ITPRID2: variants seen among roughly 807,000 people sequenced by gnomAD.
ITPRID2 encodes ITPR interacting domain containing 2.
ITPRID2 carries 60 observed loss-of-function variants against 124.3 expected under a neutral mutation model. The observed-to-expected ratio is 0.48, with a 90% CI of 0.39 to 0.60. The LOEUF (loss-of-function observed/expected upper bound fraction) is 0.60, where lower values mean the gene tolerates loss of function less well. ITPRID2 is among the 20% of genes least tolerant of loss of function. The pLI, the probability that ITPRID2 is intolerant of heterozygous loss-of-function variation, is 0.00. For synonymous variants in ITPRID2, 521 were observed against 542.9 expected, an observed-to-expected ratio of 0.96 and a Z score of 0.56; for missense variants, 1,553 against 1,512.2, an observed-to-expected ratio of 1.03 and a Z score of -0.45.
intron 17 of ITPRID2, among the ~76,000 whole-genome samples, chr2:181,928,821 T>A (rs953178688): frequency 6.6e-6 from 1 of 151,864 alleles, no homozygotes; most frequent in Non-Finnish European, 1.5e-5. Flanking sequence ...AGAGACGGGG[T>A]TTCACCGTTT....
In ITPRID2 at chr2:181,912,556, C is replaced by G. The variant is rs144045232; in HGVS notation, c.1487-1289C>G. Among the ~76,000 whole-genome samples, 1,359 of 152,062 alleles carry G rather than the reference C, an allele frequency of 8.9e-3. 9 individuals are homozygous for G. The highest frequency in any genetic ancestry group is 0.014 in the Non-Finnish European group (944 of 67,982). On this transcript the variant is annotated intron_variant, in intron 9 of 17. Transcript: ENST00000431877. ...GTCTATAGTGGGGTATTTTTCAAAC[C>G]AAGTTGACTTTAATAGATTTTAAAT...
Position 181,918,742 on chromosome 2 carries a change from T to C in ITPRID2, c.2866-13T>C, listed in dbSNP as rs565661664. The C allele has an allele frequency of 5.6e-6, 9 of 1,613,832 alleles. No homozygotes were observed. Among genetic ancestry groups the C allele is most frequent in the East Asian group, 2.2e-5 (1 of 44,868 alleles). ...AGAATTTAGAAGTGTAATTTTGTTA[T>C]ATTGCATTCTAGAATACTTTTCAGG... On this transcript the variant is annotated splice_polypyrimidine_tract_variant and intron_variant, in intron 12 of 17. Coordinates refer to ENST00000431877, the MANE Select transcript of ITPRID2 (RefSeq NM_001130445.3).
chr2:181,920,664 TA>T lies in ITPRID2; in HGVS notation c.3210+4del. On this transcript the variant is annotated splice_donor_region_variant and intron_variant, in intron 15 of 17. Coordinates refer to ENST00000431877, the MANE Select transcript of ITPRID2 (RefSeq NM_001130445.3). ...TCTCCATTGAATGTAATGGAACCAG[TA>T]AGCTTCTTTCCTCTTAAATCACTGG... 1 of 1,610,602 alleles carries T rather than the reference TA, an allele frequency of 6.2e-7. No homozygotes were observed. The highest frequency in any genetic ancestry group is 8.5e-7 in the Non-Finnish European group (1 of 1,177,088).
Position 181,916,306 on chromosome 2 carries a change from A to G in ITPRID2, c.2666A>G (p.Tyr889Cys), listed in dbSNP as rs138289387. 9.7e-5 allele frequency: 157 copies of G among 1,613,968 alleles called. No homozygotes were observed. The highest frequency in any genetic ancestry group is 1.3e-4 in the Non-Finnish European group (153 of 1,180,018). The change falls in exon 11 of 18, where the codon TAC becomes TGC. Residue 889 changes from tyrosine to cysteine, a missense_variant. Coordinates refer to ENST00000431877, the MANE Select transcript of ITPRID2 (RefSeq NM_001130445.3). ...SAFASPFGCPYSHRHATYPYR... is the reference protein window; with the variant it reads ...SAFASPFGCPCSHRHATYPYR... Reference sequence around the variant, plus strand: ...TTCGCTTCCCCTTTCGGGTGTCCTTACTCACATAGACATGCCACCTACCCT... The same window carrying G: ...TTCGCTTCCCCTTTCGGGTGTCCTTGCTCACATAGACATGCCACCTACCCT...
rs1691877289 is a variant in ITPRID2 at position 181,892,863 on chromosome 2, C to G, written c.257+203C>G. 2 of 626,556 alleles carry G rather than the reference C, an allele frequency of 3.2e-6. No homozygotes were observed. The highest frequency in any genetic ancestry group is 5.6e-6 in the Non-Finnish European group (2 of 355,098). 38.8% of individuals were successfully genotyped at this position (626,556 alleles called of 1,614,324 possible). ...GCTGATTATTTGGTGACCGTGTTGA[C>G]TTTACAGTTAGGACTTGAGCTACTC... On this transcript the variant is annotated intron_variant, in intron 2 of 17. Transcript: ENST00000431877. This position sits in a 1 kb window ranked among gnomAD's most constrained non-coding sequence, Gnocchi z 5.2.
chr2:181,913,982 A>T (rs1304218431), intron 10 of ITPRID2, 49 bp downstream of exon 10: 4 of 1,314,686 alleles, frequency 3.0e-6, no homozygotes, highest in Middle Eastern at 3.9e-4. Context: ...CCTCATTTTA[A>T]GGTGGTTTTT....
chr2:181,918,484 T>C, intron 11 of ITPRID2, 114 bp from the exon 12 acceptor site: 1 of 1,494,738 alleles, frequency 6.7e-7, no homozygotes. Flanking sequence ...TTTTGGATCC[T>C]TTTGTCTTAA....
In ITPRID2 at chr2:181,910,322, T is replaced by A. The variant is rs1443466906; in HGVS notation, c.1486+351T>A. 6.6e-6 allele frequency among the ~76,000 whole-genome samples: 1 copy of A among 152,204 alleles called. No individual in the cohort carries two copies. The highest frequency in any genetic ancestry group is 1.5e-5 in the Non-Finnish European group (1 of 68,032). ...GACTGAAAAATATACTGGTATTATC[T>A]ATCTTTGGTGTTTCACTATATAAAT... On this transcript the variant is annotated intron_variant, in intron 9 of 17. Coordinates refer to ENST00000431877, the MANE Select transcript of ITPRID2 (RefSeq NM_001130445.3). This position sits in a 1 kb window ranked among gnomAD's most constrained non-coding sequence, Gnocchi z 4.1.
intron 16 of ITPRID2, among the ~76,000 whole-genome samples, chr2:181,925,158 C>G (rs1694751540): frequency 6.6e-6 from 1 of 151,892 alleles, no homozygotes; most frequent in Non-Finnish European, 1.5e-5. Context: ...ACACAGCTTG[C>G]TCATGTGTTC....
At chr2:181,906,835 CG>C (rs1208035371) in intron 8 of ITPRID2, among the ~76,000 whole-genome samples, 4 of 152,066 alleles carry the variant, frequency 2.6e-5, no homozygotes, top group African/African-American at 9.7e-5. Context: ...CTTGAATTCA[CG>C]TTACTTGTGA....
chr2:181,923,042 G>A (rs998105269), intron 16 of ITPRID2, among the ~76,000 whole-genome samples: 7 of 152,222 alleles, frequency 4.6e-5, no homozygotes, highest in Non-Finnish European at 7.4e-5. Flanking sequence ...CAAAATATAC[G>A]AAGAAAAGAG....
rs759349776 is a variant in ITPRID2 at position 181,915,838 on chromosome 2, C to T, written c.2198C>T (p.Pro733Leu). The stretch of plus-strand genomic sequence containing the variant: ...TACTTATTTGCAAAAGCTGGCTATC[C>T]TCTAAGAAGGTCTCAGTCTTTACCA... ...QRYLFAKAGYPLRRSQSLPTT... is the reference protein window; with the variant it reads ...QRYLFAKAGYLLRRSQSLPTT... Residue 733 changes from proline (P) to leucine (L), a missense_variant, in exon 11 of 18, where the codon CCT (proline) becomes CTT (leucine). Physicochemically the swap from Pro to Leu is moderately conservative, Grantham distance 98. Coordinates refer to ENST00000431877, the MANE Select transcript of ITPRID2 (RefSeq NM_001130445.3). 2 of 1,614,100 alleles carry T rather than the reference C, an allele frequency of 1.2e-6. No homozygotes were observed. The highest frequency in any genetic ancestry group is 2.7e-5 in the African/African-American group (2 of 74,936).
chr2:181,902,604 T>A lies in ITPRID2; in HGVS notation c.1413+138T>A. 1.5e-6 allele frequency: 1 copy of A among 657,694 alleles called. No individual in the cohort carries two copies. Among genetic ancestry groups the A allele is most frequent in the Non-Finnish European group, 2.4e-6 (1 of 411,400 alleles). 40.7% of individuals were successfully genotyped at this position (657,694 alleles called of 1,614,324 possible). A position where few individuals can be genotyped will look rare whatever the true frequency, so the allele number is the denominator to read the frequency against. On this transcript the variant is annotated intron_variant, in intron 8 of 17. Coordinates refer to ENST00000431877, the MANE Select transcript of ITPRID2 (RefSeq NM_001130445.3). The surrounding 1 kb of genome is among the most constrained non-coding windows in gnomAD (Gnocchi z 4.4). ...TAATTTTGACTTTCCAGGTTTATGT[T>A]TCACAAACCAAGAATTGGTCTCAGG... is the stretch of plus-strand genomic sequence containing the variant.
At chr2:181,912,659 T>G (rs1439696856) in intron 9 of ITPRID2, among the ~76,000 whole-genome samples, 1 of 152,214 alleles carries the variant, frequency 6.6e-6, no homozygotes, top group Non-Finnish European at 1.5e-5. Context: ...AAACACACTT[T>G]ATTTAGCCTT....
In ITPRID2 at chr2:181,905,377, C is replaced by T. The variant is rs1693031279; in HGVS notation, c.1413+2911C>T. On this transcript the variant is annotated intron_variant, in intron 8 of 17. Coordinates refer to ENST00000431877, the MANE Select transcript of ITPRID2 (RefSeq NM_001130445.3). The surrounding 1 kb of genome is among the most constrained non-coding windows in gnomAD (Gnocchi z 4.1). The stretch of plus-strand genomic sequence containing the variant: ...AACTATTTATAAAAAGTTATTAAAT[C>T]CTGTTCTTGAATTTCTAATTATTCC... Among the ~76,000 whole-genome samples the T allele has an allele frequency of 6.6e-6, 1 of 152,118 alleles. No homozygotes were observed. Among genetic ancestry groups the T allele is most frequent in the African/African-American group, 2.4e-5 (1 of 41,418 alleles).
At position 181,930,450 on chromosome 2, in the gene ITPRID2, T is replaced by C. The variant is rs188109009; in HGVS notation, c.*903T>C. 1.6e-3 allele frequency: 251 copies of C among 152,516 alleles called. No individual in the cohort carries two copies. Among genetic ancestry groups the C allele is most frequent in the Middle Eastern group, 0.01 (3 of 292 alleles). The allele number at this position is 152,516 out of a possible 1,614,324, so 9.4% of individuals were successfully genotyped here. A position where few individuals can be genotyped will look rare whatever the true frequency, so the allele number is the denominator to read the frequency against. On this transcript the variant is annotated 3_prime_UTR_variant, in exon 18 of 18. Transcript: ENST00000431877. ...GTTCAGTTTTAACCAGTGAAAACTT[T>C]GTTTTTATGAAAAAAAAGGAAAATG...
At chr2:181,913,659 C>T (rs889267287) in intron 9 of ITPRID2, among the ~76,000 whole-genome samples, 186 bp from the exon 10 acceptor site, 1 of 152,078 alleles carries the variant, frequency 6.6e-6, no homozygotes, top group Non-Finnish European at 1.5e-5. Flanking sequence ...GAGTTACCTC[C>T]TGTACTTTGA....
At position 181,919,535 on chromosome 2, in the gene ITPRID2, C is replaced by G; in HGVS notation, c.3144+89C>G. The G allele has an allele frequency of 7.2e-7, 1 of 1,392,098 alleles. No individual in the cohort carries two copies. Among genetic ancestry groups the G allele is most frequent in the Non-Finnish European group, 9.5e-7 (1 of 1,054,292 alleles). The allele number at this position is 1,392,098 out of a possible 1,614,324, so 86.2% of individuals were successfully genotyped here. A position where few individuals can be genotyped will look rare whatever the true frequency, so the allele number is the denominator to read the frequency against. ...TAGGACGTGTGCCTTCATTTCAAGT[C>G]ATTTATTTTAATGGTATTAAAAGCA... On this transcript the variant is annotated intron_variant, in intron 14 of 17. Transcript: ENST00000431877. This position sits in a 1 kb window ranked among gnomAD's most constrained non-coding sequence, Gnocchi z 4.2.
intron 15 of ITPRID2, 148 bp from the exon 16 acceptor site, chr2:181,921,800 A>T: frequency 2.7e-6 from 2 of 737,468 alleles, no homozygotes; most frequent in South Asian, 4.1e-5. Flanking sequence ...TTTGCAAATA[A>T]AATTGAGTAG....
Sources: allele counts gnomAD v4.1 joint callset (sites outside exome capture counted in the v4.1 genomes callset), GRCh38; gene constraint gnomAD v4.1.1; non-coding constraint Gnocchi (gnomAD v3.1); transcripts MANE v1.5; gene names NCBI Gene and HGNC (gene_info 2026-07-23, HGNC 2026-07-21).